The following TMEM167A variants were observed in gnomAD, a reference collection of about 807,000 sequenced individuals.
TMEM167A encodes protein kish-A.
A neutral mutation model predicts 11.6 loss-of-function variants in TMEM167A; 8 were observed. That is an observed-to-expected ratio of 0.69 (90% CI 0.40 to 1.24). TMEM167A has a LOEUF of 1.24. TMEM167A is among the 50% of genes most tolerant of loss of function. The pLI is 0.01. For missense variants in TMEM167A, 62 were observed against 87.0 expected, an observed-to-expected ratio of 0.71 and a Z score of 1.14; for synonymous variants, 22 against 28.0, an observed-to-expected ratio of 0.79 and a Z score of 0.67.
chr5:83,063,783 A>G (rs528258694), intron 2 of TMEM167A, among the ~76,000 whole-genome samples: 10 of 152,266 alleles, frequency 6.6e-5, no homozygotes, highest in African/African-American at 2.2e-4. Context: ...CTAAATACCA[A>G]TAAGTATATT....
intron 2 of TMEM167A, among the ~76,000 whole-genome samples, chr5:83,062,291 A>AT (rs1744417883): frequency 6.6e-6 from 1 of 152,190 alleles, no homozygotes; most frequent in Admixed American, 6.5e-5. Context: ...TTAAATGAAC[A>AT]TTTTTTGGTT....
At chr5:83,060,597 C>T (rs767722797) in intron 3 of TMEM167A, among the ~76,000 whole-genome samples, 21 of 151,438 alleles carry the variant, frequency 1.4e-4, no homozygotes, top group Admixed American at 2.0e-4. Flanking sequence ...TTTGGGAGGC[C>T]GAGGCGGGCG....
intron 3 of TMEM167A, among the ~76,000 whole-genome samples, chr5:83,058,654 AAAAG>A (rs1178908766): frequency 1.3e-5 from 2 of 152,126 alleles, no homozygotes; most frequent in African/African-American, 2.4e-5. Flanking sequence ...TTAAATACTT[AAAAG>A]AAATTAATAC....
chr5:83,063,301 G>A (rs1445500506), intron 2 of TMEM167A, among the ~76,000 whole-genome samples: 1 of 152,108 alleles, frequency 6.6e-6, no homozygotes, highest in Non-Finnish European at 1.5e-5. Flanking sequence ...GATGAAATGA[G>A]TGATTACACG....
intron 1 of TMEM167A, among the ~76,000 whole-genome samples, chr5:83,067,985 A>C (rs980539421): frequency 1.4e-5 from 1 of 73,586 alleles, no homozygotes; most frequent in African/African-American, 3.4e-5. Flanking sequence ...GGTTTTAATT[A>C]AATTGGGTTT....
In TMEM167A at chr5:83,077,388, C is replaced by A; in HGVS notation, c.-65G>T. 6.2e-7 allele frequency: 1 copy of A among 1,612,968 alleles called. No individual in the cohort carries two copies. The highest frequency in any genetic ancestry group is 1.1e-5 in the South Asian group (1 of 91,056). On this transcript the variant is annotated 5_prime_UTR_variant, in exon 1 of 4. Coordinates refer to ENST00000502346, the MANE Select transcript of TMEM167A (RefSeq NM_174909.5). The stretch of plus-strand genomic sequence containing the variant: ...GGCTCAGGCGGAAGAGGCTGCATGT[C>A]CCGTCTGCCCTTCTCGCCCTCTCCA...
intron 1 of TMEM167A, chr5:83,071,349 G>A (rs1438941535): frequency 6.6e-6 from 1 of 152,082 alleles, no homozygotes; most frequent in East Asian, 1.9e-4. Context: ...AATTTTACTT[G>A]TATTAATACT....
chr5:83,056,922 G>T lies in TMEM167A; in HGVS notation c.*162C>A. On this transcript the variant is annotated 3_prime_UTR_variant, in exon 4 of 4. Transcript: ENST00000502346. ...TGGTTACATCTTAATTGTTTATACA[G>T]AACATTGGTCCAATAACATTAAAAT... is the stretch of plus-strand genomic sequence containing the variant. The T allele has an allele frequency of 2.9e-6, 2 of 688,162 alleles. No homozygotes were observed. The highest frequency in any genetic ancestry group is 5.1e-6 in the Non-Finnish European group (2 of 389,774). The allele number at this position is 688,162 out of a possible 1,614,324, so 42.6% of individuals were successfully genotyped here. A position where few individuals can be genotyped will look rare whatever the true frequency, so the allele number is the denominator to read the frequency against.
rs867859028 is a variant in TMEM167A at position 83,053,854 on chromosome 5, A to G, written c.*3230T>C. ...AGAATCCTGGGATTATCTGAATAAT[A>G]AATGCCATCACATTGTACTTTTAAT... On this transcript the variant is annotated 3_prime_UTR_variant, in exon 4 of 4. Coordinates refer to ENST00000502346, the MANE Select transcript of TMEM167A (RefSeq NM_174909.5). 1.8e-4 allele frequency: 28 copies of G among 152,038 alleles called. No homozygotes were observed. The highest frequency in any genetic ancestry group is 6.5e-4 in the African/African-American group (27 of 41,430). The allele number at this position is 152,038 out of a possible 1,614,324, so 9.4% of individuals were successfully genotyped here.
intron 1 of TMEM167A, among the ~76,000 whole-genome samples, chr5:83,074,973 C>T (rs1744619713): frequency 6.6e-6 from 1 of 152,108 alleles, no homozygotes; most frequent in Admixed American, 6.5e-5. Context: ...TTTCTCCACA[C>T]TGGTCAGGCT....
At chr5:83,072,326 G>T (rs1193516072) in intron 1 of TMEM167A, among the ~76,000 whole-genome samples, 1 of 152,170 alleles carries the variant, frequency 6.6e-6, no homozygotes, top group Non-Finnish European at 1.5e-5. Flanking sequence ...GGTTGGACAA[G>T]AGACAGTATT....
chr5:83,064,183 A>G (rs1056886386), intron 2 of TMEM167A: 1 of 507,776 alleles, frequency 2.0e-6, no homozygotes. Context: ...ATGTAAAAAT[A>G]GGCATGCTCT....
intron 1 of TMEM167A, 45 bp downstream of exon 1, chr5:83,077,275 AC>A: frequency 6.2e-7 from 1 of 1,613,926 alleles, no homozygotes; most frequent in Non-Finnish European, 8.5e-7. Context: ...TAGATCCACA[AC>A]CCCTTCTCGA....
In TMEM167A at chr5:83,056,797, G is replaced by T; in HGVS notation, c.*287C>A. The T allele has an allele frequency of 2.4e-6, 1 of 416,704 alleles. No homozygotes were observed. 25.8% of individuals were successfully genotyped at this position (416,704 alleles called of 1,614,324 possible). On this transcript the variant is annotated 3_prime_UTR_variant, in exon 4 of 4. Coordinates refer to ENST00000502346, the MANE Select transcript of TMEM167A (RefSeq NM_174909.5). ...TTTGTTTTCTACTATGTGCCTTAGAGATACCTCACTAAAATTTTGTATCTG... is the reference window on the plus strand; with the variant it reads ...TTTGTTTTCTACTATGTGCCTTAGATATACCTCACTAAAATTTTGTATCTG...
intron 2 of TMEM167A, 165 bp from the exon 3 acceptor site, chr5:83,062,076 A>G (rs1744415208): frequency 1.7e-6 from 1 of 581,674 alleles, no homozygotes; most frequent in Non-Finnish European, 3.1e-6. Context: ...CCATTCATGT[A>G]TGAAAGTAGG....
Position 83,053,434 on chromosome 5 carries a change from T to C in TMEM167A, c.*3650A>G, listed in dbSNP as rs1380331753. 2 of 151,986 alleles carry C rather than the reference T, an allele frequency of 1.3e-5. No homozygotes were observed. Among genetic ancestry groups the C allele is most frequent in the South Asian group, 2.1e-4 (1 of 4,830 alleles). The allele number at this position is 151,986 out of a possible 1,614,324, so 9.4% of individuals were successfully genotyped here. On this transcript the variant is annotated 3_prime_UTR_variant, in exon 4 of 4. Transcript: ENST00000502346. ...TAACTAGTCAGTTGCCTCCACCTTA[T>C]ATACTATTCAGGCAAGTCTTCGGAA...
chr5:83,065,335 T>C (rs1210846083), intron 1 of TMEM167A, among the ~76,000 whole-genome samples: 3 of 152,048 alleles, frequency 2.0e-5, no homozygotes, highest in Non-Finnish European at 4.4e-5. Flanking sequence ...TTACTAGCTT[T>C]TCTAAGTCTT....
rs1256589401 is a variant in TMEM167A, at chr5:83,057,035, T to C, written c.*49A>G. 1 of 1,529,914 alleles carries C rather than the reference T, an allele frequency of 6.5e-7. No homozygotes were observed. The highest frequency in any genetic ancestry group is 1.1e-5 in the South Asian group (1 of 89,256). 94.8% of individuals were successfully genotyped at this position (1,529,914 alleles called of 1,614,324 possible). A position where few individuals can be genotyped will look rare whatever the true frequency, so the allele number is the denominator to read the frequency against. ...TTCCATTATTTTCTGCAGTCAGTCCTTGTTCACAATCAAATCTGATGGCAA... is the reference window on the plus strand; with the variant it reads ...TTCCATTATTTTCTGCAGTCAGTCCCTGTTCACAATCAAATCTGATGGCAA... On this transcript the variant is annotated 3_prime_UTR_variant, in exon 4 of 4. Coordinates refer to ENST00000502346, the MANE Select transcript of TMEM167A (RefSeq NM_174909.5).
At chr5:83,063,110 T>G (rs555909158) in intron 2 of TMEM167A, among the ~76,000 whole-genome samples, 1 of 152,230 alleles carries the variant, frequency 6.6e-6, no homozygotes, top group African/African-American at 2.4e-5. Flanking sequence ...ATGAATATTC[T>G]GACAGGCTAA....
Sources: allele counts gnomAD v4.1 joint callset (sites outside exome capture counted in the v4.1 genomes callset), GRCh38; gene constraint gnomAD v4.1.1; transcripts MANE v1.5; gene names NCBI Gene and HGNC (gene_info 2026-07-23, HGNC 2026-07-21).